Variants in PHACTR1 observed in about 807,000 individuals in gnomAD.
PHACTR1 encodes phosphatase and actin regulator 1.
Under a neutral mutation model 69.2 loss-of-function variants are expected in PHACTR1, and 16 were observed. The observed-to-expected ratio is 0.23, with a 90% CI of 0.16 to 0.35. The LOEUF (loss-of-function observed/expected upper bound fraction) is 0.35, where lower values mean the gene tolerates loss of function less well. PHACTR1 is among the 10% of genes least tolerant of loss of function. The probability of loss-of-function intolerance (pLI) is 1.00; values close to 1 mark genes in which losing one functional copy is unlikely to be tolerated. For missense variants in PHACTR1, 510 were observed against 734.7 expected (o/e 0.69, Z 3.54); for synonymous variants, 312 against 284.5 (o/e 1.10, Z -0.97).
chr6:12,790,048 C>G (rs924087730), intron 4 of PHACTR1, among the ~76,000 whole-genome samples: 6 of 152,038 alleles, frequency 3.9e-5, no homozygotes, highest in African/African-American at 1.4e-4. Flanking sequence ...CTCTGATAAC[C>G]TCTGAATAAG....
At chr6:13,218,036 A>C (rs927429139) in intron 8 of PHACTR1, among the ~76,000 whole-genome samples, 14 of 152,366 alleles carry the variant, frequency 9.2e-5, no homozygotes, top group Admixed American at 7.8e-4. Flanking sequence ...ATTTGTAGAT[A>C]ATAAATTTTC....
intron 4 of PHACTR1, among the ~76,000 whole-genome samples, chr6:12,902,021 C>T (rs1230992098): frequency 6.6e-6 from 1 of 152,122 alleles, no homozygotes; most frequent in Non-Finnish European, 1.5e-5. Flanking sequence ...ATGCTACTGG[C>T]ATCTAACAGT....
chr6:13,199,602 G>A (rs1273958651), intron 7 of PHACTR1, among the ~76,000 whole-genome samples: 1 of 152,104 alleles, frequency 6.6e-6, no homozygotes, highest in African/African-American at 2.4e-5. Context: ...GAAGGCAGAA[G>A]AACCTGAATG....
chr6:12,880,006 G>T (rs116200056), intron 4 of PHACTR1, among the ~76,000 whole-genome samples: 3 of 152,144 alleles, frequency 2.0e-5, no homozygotes, highest in Non-Finnish European at 4.4e-5. Context: ...ATTTTGAGGT[G>T]CAAAGAGCTA....
At chr6:12,947,232 A>T (rs1790781675) in intron 4 of PHACTR1, among the ~76,000 whole-genome samples, 1 of 152,182 alleles carries the variant, frequency 6.6e-6, no homozygotes, top group Non-Finnish European at 1.5e-5. Flanking sequence ...TCTTTCTGCT[A>T]GATGCTTACT....
chr6:13,036,128 C>T (rs1803268101), intron 4 of PHACTR1, among the ~76,000 whole-genome samples: 1 of 143,100 alleles, frequency 7.0e-6, no homozygotes, highest in Admixed American at 7.3e-5. Flanking sequence ...AAATCCACCC[C>T]CGCATTCCAA....
chr6:12,938,607 T>C (rs1789730387), intron 4 of PHACTR1, among the ~76,000 whole-genome samples: 1 of 152,026 alleles, frequency 6.6e-6, no homozygotes, highest in Non-Finnish European at 1.5e-5. Context: ...GGCATATAAT[T>C]TGAAAGCTTT....
intron 5 of PHACTR1, among the ~76,000 whole-genome samples, chr6:13,071,945 A>G (rs556932201): frequency 2.0e-5 from 3 of 152,358 alleles, no homozygotes; most frequent in South Asian, 2.1e-4. Context: ...TGAAGCAACT[A>G]TGAACTGTAA....
At chr6:12,849,155 A>G (rs966655758) in intron 4 of PHACTR1, among the ~76,000 whole-genome samples, 4 of 152,148 alleles carry the variant, frequency 2.6e-5, no homozygotes, top group African/African-American at 9.7e-5. Context: ...AGTTTTCCCA[A>G]CGTAAGAGCA....
chr6:13,213,674 T>C (rs144010765), intron 8 of PHACTR1, among the ~76,000 whole-genome samples: 491 of 152,326 alleles, frequency 3.2e-3, no homozygotes, highest in Non-Finnish European at 5.0e-3. Context: ...ATTAAGACCC[T>C]TGTGAACTGG....
At chr6:13,133,228 CCCCT>C (rs1820787077) in intron 5 of PHACTR1, among the ~76,000 whole-genome samples, 3 of 27,492 alleles carry the variant, frequency 1.1e-4, no homozygotes, top group African/African-American at 4.1e-4. Flanking sequence ...CCTCCCCCTC[CCCCT>C]CTCCCTCTCC....
chr6:12,748,544 G>A (rs1174046724), intron 3 of PHACTR1, among the ~76,000 whole-genome samples: 1 of 152,174 alleles, frequency 6.6e-6, no homozygotes, highest in African/African-American at 2.4e-5. Context: ...CCCATCAATA[G>A]GTTCAGCAGG....
At chr6:12,854,095 C>CA (rs1486934398) in intron 4 of PHACTR1, among the ~76,000 whole-genome samples, 1 of 152,094 alleles carries the variant, frequency 6.6e-6, no homozygotes, top group Non-Finnish European at 1.5e-5. Context: ...TAGTGGGAAG[C>CA]AAAACGTAAC....
At chr6:12,858,603 G>C (rs1014631753) in intron 4 of PHACTR1, among the ~76,000 whole-genome samples, 1 of 151,860 alleles carries the variant, frequency 6.6e-6, no homozygotes, top group African/African-American at 2.4e-5. Context: ...TGCAAGCCTG[G>C]GTAACATAGT....
intron 10 of PHACTR1, among the ~76,000 whole-genome samples, chr6:13,260,829 G>T (rs1180592617): frequency 1.3e-5 from 2 of 152,172 alleles, no homozygotes; most frequent in Non-Finnish European, 2.9e-5. Context: ...GAAAGGTTTA[G>T]TAAAATAAGG....
intron 5 of PHACTR1, among the ~76,000 whole-genome samples, chr6:13,151,105 AT>A (rs1262738901): frequency 6.6e-6 from 1 of 152,244 alleles, no homozygotes; most frequent in Non-Finnish European, 1.5e-5. Context: ...TTTACAAAGG[AT>A]AAAAGCTATA....
intron 4 of PHACTR1, among the ~76,000 whole-genome samples, chr6:12,914,711 C>T (rs1786780219): frequency 6.6e-6 from 1 of 151,492 alleles, no homozygotes; most frequent in Non-Finnish European, 1.5e-5. Context: ...ATCACACGGT[C>T]AACTGAAAAA....
intron 7 of PHACTR1, among the ~76,000 whole-genome samples, chr6:13,194,414 A>G (rs56797484): frequency 0.076 from 11,313 of 148,378 alleles, 1,268 homozygotes; most frequent in East Asian, 0.57. Context: ...AAAAAAAAAA[A>G]AAAGAAAGAA....
chr6:12,840,198 A>T (rs921991411), intron 4 of PHACTR1, among the ~76,000 whole-genome samples: 11 of 152,184 alleles, frequency 7.2e-5, no homozygotes, highest in African/African-American at 2.2e-4. Context: ...AGGGGATCTG[A>T]TTACAGATCA....
Sources: allele counts gnomAD v4.1 joint callset (sites outside exome capture counted in the v4.1 genomes callset), GRCh38; gene constraint gnomAD v4.1.1; transcripts MANE v1.5; gene names NCBI Gene and HGNC (gene_info 2026-07-23, HGNC 2026-07-21).